LAMB3: variants seen among roughly 807,000 people sequenced by gnomAD.
LAMB3 encodes the protein laminin subunit beta-3.
In LAMB3, 104 loss-of-function variants were observed where a neutral mutation model predicts 140.3. That is an observed-to-expected ratio of 0.74 (90% confidence interval 0.63 to 0.87). LAMB3 has a LOEUF of 0.87. Among genes scored for constraint, LAMB3 ranks in the 40% least tolerant of loss-of-function variants. LAMB3 has a pLI of 0.00. For missense variants in LAMB3, 1,531 were observed against 1,575.2 expected (o/e 0.97, Z 0.47); for synonymous variants, 592 against 602.9 (o/e 0.98, Z 0.26).
At chr1:209,639,039 G>C (rs1010620175) in intron 3 of LAMB3, among the ~76,000 whole-genome samples, 1 of 152,042 alleles carries the variant, frequency 6.6e-6, no homozygotes, top group Non-Finnish European at 1.5e-5. Context: ...CTGGGCACAG[G>C]CTGGAAAGTT....
intron 9 of LAMB3, 118 bp downstream of exon 9, chr1:209,630,497 G>T: frequency 8.5e-7 from 1 of 1,179,286 alleles, no homozygotes; most frequent in Admixed American, 1.9e-5. Flanking sequence ...GTGCAATTCA[G>T]TTTAGATTTA....
In LAMB3 at chr1:209,634,484, A is replaced by G. The variant is rs1242268664; in HGVS notation, c.527T>C (p.Leu176Pro). ...TAGGCGTGCATTAGGCCTCTGAGGC[A>G]GGGACTGGCACCGAACATCCTGCCA... is the stretch of plus-strand genomic sequence containing the variant. ...QSWQDVRCQS[L>P]PQRPNARLNG... The change falls in exon 6 of 23, where the codon CTG becomes CCG. Residue 176 changes from leucine (L) to proline (P), a missense_variant. By Grantham distance (98) the Leu-to-Pro change is moderately conservative. Coordinates refer to ENST00000356082, the MANE Select transcript of LAMB3 (RefSeq NM_000228.3). The G allele has an allele frequency of 1.9e-6, 3 of 1,614,020 alleles. No homozygotes were observed. Among genetic ancestry groups the G allele is most frequent in the African/African-American group, 1.3e-5 (1 of 74,912 alleles).
At position 209,628,108 on chromosome 1, in the gene LAMB3, C is replaced by T. The variant is rs756709484; in HGVS notation, c.1215G>A (p.Val405=). Residue 405 remains valine (V), a synonymous_variant, in exon 11 of 23, where the codon GTG becomes GTA. Transcript: ENST00000356082. ...VTGQCVCKEH[V]QGERCDLCKP... Reference sequence around the variant, plus strand: ...TGCATAGGTCACAGCGCTCTCCCTGCACATGCTCCTTGCACACACACTGCC... The same window carrying T: ...TGCATAGGTCACAGCGCTCTCCCTGTACATGCTCCTTGCACACACACTGCC... The T allele has an allele frequency of 1.3e-6, 2 of 1,598,644 alleles. No homozygotes were observed. Among genetic ancestry groups the T allele is most frequent in the East Asian group, 4.5e-5 (2 of 44,064 alleles).
chr1:209,646,274 C>T (rs2076517509), intron 3 of LAMB3, among the ~76,000 whole-genome samples: 1 of 152,326 alleles, frequency 6.6e-6, no homozygotes, highest in Non-Finnish European at 1.5e-5. Context: ...GCAGCCCCTG[C>T]CTTCACACGC....
At position 209,615,484 on chromosome 1, in the gene LAMB3, C is replaced by T. The variant is rs147108456; in HGVS notation, c.3383-77G>A. 3 of 1,492,618 alleles carry T rather than the reference C, an allele frequency of 2.0e-6. No homozygotes were observed. In the African/African-American group the frequency reaches 4.2e-5, roughly 21 times the overall value. The allele number at this position is 1,492,618 out of a possible 1,614,324, so 92.5% of individuals were successfully genotyped here. ...AAGACTCCCAACCCTTCCTTCCCCTCCTGCTAACTGGAGGTAGCATGTGTA... is the reference window on the plus strand; with the variant it reads ...AAGACTCCCAACCCTTCCTTCCCCTTCTGCTAACTGGAGGTAGCATGTGTA... On this transcript the variant is annotated intron_variant, in intron 22 of 22. Coordinates refer to ENST00000356082, the MANE Select transcript of LAMB3 (RefSeq NM_000228.3).
At chr1:209,632,493 G>A in intron 8 of LAMB3, 90 bp downstream of exon 8, 1 of 1,000,622 alleles carries the variant, frequency 1.0e-6, no homozygotes, top group South Asian at 1.5e-5. Flanking sequence ...TAGATTTAGT[G>A]CCCTTCCTGC....
intron 9 of LAMB3, 46 bp from the exon 10 acceptor site, chr1:209,629,971 C>A (rs374550182): frequency 1.3e-5 from 21 of 1,572,826 alleles, no homozygotes; most frequent in Non-Finnish European, 1.7e-5. Flanking sequence ...CACACCTTTG[C>A]TATCTACAGA....
chr1:209,618,858 C>T, intron 18 of LAMB3, 199 bp from the exon 19 acceptor site: 1 of 634,972 alleles, frequency 1.6e-6, no homozygotes, highest in Non-Finnish European at 2.8e-6. Flanking sequence ...AGGAGGATGA[C>T]TATCCTGTGC....
intron 18 of LAMB3, 59 bp from the exon 19 acceptor site, chr1:209,618,718 C>T: frequency 2.6e-6 from 4 of 1,521,906 alleles, no homozygotes; most frequent in Non-Finnish European, 3.6e-6. Flanking sequence ...AGATACGAGG[C>T]CTCTCCTAGC....
Position 209,638,742 on chromosome 1 carries a change from A to T in LAMB3, c.184-94T>A, listed in dbSNP as rs2076430188. On this transcript the variant is annotated intron_variant, in intron 3 of 22. Coordinates refer to ENST00000356082, the MANE Select transcript of LAMB3 (RefSeq NM_000228.3). ...ATCCCAGCATATCTCCTCTGTGGAAATCCTGCCCTTAGGAATCACTAATTT... is the reference window on the plus strand; with the variant it reads ...ATCCCAGCATATCTCCTCTGTGGAATTCCTGCCCTTAGGAATCACTAATTT... 5.6e-5 allele frequency: 43 copies of T among 773,336 alleles called. 1 individual carries two copies. The South Asian group carries it at 5.6e-4, about 10-fold the overall frequency. The allele number at this position is 773,336 out of a possible 1,614,324, so 47.9% of individuals were successfully genotyped here. A position where few individuals can be genotyped will look rare whatever the true frequency, so the allele number is the denominator to read the frequency against.
In LAMB3 at chr1:209,634,449, T is replaced by C. The variant is rs1242860012; in HGVS notation, c.562A>G (p.Lys188Glu). The change falls in exon 6 of 23, where the codon AAG becomes GAG. Residue 188 changes from lysine to glutamate, a missense_variant and splice_region_variant. By Grantham distance (56) the Lys-to-Glu change is moderately conservative. Transcript: ENST00000356082. Reference protein sequence around the residue: ...QRPNARLNGGKVQLNLMDLVS... With the variant: ...QRPNARLNGGEVQLNLMDLVS... ...TTTTCAGGATTCCCTCTACCTACCT[T>C]CCCCCCATTTAGGCGTGCATTAGGC... The C allele has an allele frequency of 4.3e-6, 7 of 1,613,542 alleles. No homozygotes were observed. Among genetic ancestry groups the C allele is most frequent in the Non-Finnish European group, 5.9e-6 (7 of 1,179,820 alleles).
At chr1:209,629,004 T>C (rs1228577982) in intron 10 of LAMB3, among the ~76,000 whole-genome samples, 1 of 152,216 alleles carries the variant, frequency 6.6e-6, no homozygotes, top group Non-Finnish European at 1.5e-5. Flanking sequence ...TGTCTCACTC[T>C]TCCCAGAAAC....
intron 14 of LAMB3, among the ~76,000 whole-genome samples, chr1:209,625,034 G>A (rs1175116812): frequency 2.6e-5 from 4 of 152,154 alleles, no homozygotes; most frequent in Non-Finnish European, 5.9e-5. Flanking sequence ...CTCTCCCGGA[G>A]CCCCCAGCCA....
At chr1:209,636,604 C>T (rs1181585820) in intron 5 of LAMB3, among the ~76,000 whole-genome samples, 3 of 152,198 alleles carry the variant, frequency 2.0e-5, no homozygotes, top group Admixed American at 6.5e-5. Context: ...CCTCTTGCCA[C>T]CAAGCACATT....
chr1:209,650,141 T>G lies in LAMB3; in HGVS notation c.29-23A>C, dbSNP rs180936068. 1.4e-3 allele frequency: 2,205 copies of G among 1,606,278 alleles called. 66 individuals are homozygous for G. The Admixed American group carries it at 0.036, about 26-fold the overall frequency. On this transcript the variant is annotated intron_variant, in intron 2 of 22. Coordinates refer to ENST00000356082, the MANE Select transcript of LAMB3 (RefSeq NM_000228.3). ...GGGCTGAAATCACAGGGATGTGTGATGGAGCAGTCCAGAAAAAAAGGGACC... is the reference window on the plus strand; with the variant it reads ...GGGCTGAAATCACAGGGATGTGTGAGGGAGCAGTCCAGAAAAAAAGGGACC...
At chr1:209,651,427 A>G (rs2076565857) in intron 1 of LAMB3, 2 of 192,544 alleles carry the variant, frequency 1.0e-5, no homozygotes, top group South Asian at 9.2e-5. Flanking sequence ...AGCCCCGCCC[A>G]AAGTGAATGA....
In LAMB3 at chr1:209,622,585, A is replaced by G; in HGVS notation, c.2652T>C (p.Asp884=). 6.2e-7 allele frequency: 1 copy of G among 1,614,064 alleles called. No individual in the cohort carries two copies. Among genetic ancestry groups the G allele is most frequent in the Non-Finnish European group, 8.5e-7 (1 of 1,180,002 alleles). ...GGATTAGGAGCCGTGTGCGTCTGAC[A>G]TCTTCCTCCATCTGGGAGCGGCTGG... ...VSASRSQMEE[D]VRRTRLLIQQ... The change falls in exon 18 of 23, where the codon GAT becomes GAC. Residue 884 remains aspartate (D), a synonymous_variant. Coordinates refer to ENST00000356082, the MANE Select transcript of LAMB3 (RefSeq NM_000228.3).
At chr1:209,616,756 G>T in intron 21 of LAMB3, 132 bp from the exon 22 acceptor site, 1 of 864,960 alleles carries the variant, frequency 1.2e-6, no homozygotes, top group Non-Finnish European at 1.9e-6. Flanking sequence ...CAATAGCATT[G>T]GTTTTGCCTA....
intron 9 of LAMB3, 97 bp from the exon 10 acceptor site, chr1:209,630,022 G>T: frequency 8.4e-7 from 1 of 1,189,564 alleles, no homozygotes; most frequent in Non-Finnish European, 1.2e-6. Flanking sequence ...TAACAACTCT[G>T]CAAGATGATC....
Sources: gnomAD v4.1 joint callset for allele counts (sites outside exome capture counted in the v4.1 genomes callset) on GRCh38, gnomAD v4.1.1 for gene constraint, MANE v1.5 for transcripts, NCBI Gene and HGNC (gene_info 2026-07-23, HGNC 2026-07-21) for gene names.